The following CDH13 variants were observed in gnomAD, a reference collection of about 807,000 sequenced individuals.
CDH13 encodes the protein cadherin-13.
In CDH13, 24 loss-of-function variants were observed where a neutral mutation model predicts 63.8. That is an observed-to-expected ratio of 0.38 (90% CI 0.27 to 0.53). The LOEUF (loss-of-function observed/expected upper bound fraction) is 0.53, where lower values mean the gene tolerates loss of function less well. CDH13 is among the 20% of genes least tolerant of loss of function. CDH13 has a pLI of 0.85. For missense variants in CDH13, 1,049 were observed against 903.1 expected, an observed-to-expected ratio of 1.16 and a Z score of -2.07; for synonymous variants, 503 against 355.3, an observed-to-expected ratio of 1.42 and a Z score of -4.67.
chr16:83,737,480 A>G (rs1200550567), intron 10 of CDH13, among the ~76,000 whole-genome samples: 1 of 152,192 alleles, frequency 6.6e-6, no homozygotes, highest in Non-Finnish European at 1.5e-5. Flanking sequence ...TATAATTTTA[A>G]GAAAGCTTTA....
chr16:82,710,552 A>AAAAATATATAT (rs60196638), intron 1 of CDH13, among the ~76,000 whole-genome samples: 38 of 63,770 alleles, frequency 6.0e-4, no homozygotes, highest in Admixed American at 1.6e-3. Flanking sequence ...AAAAAAAAAA[A>AAAAATATATAT]ATATATATAT....
chr16:82,995,291 C>G (rs781561409), intron 2 of CDH13, among the ~76,000 whole-genome samples: 1 of 152,188 alleles, frequency 6.6e-6, no homozygotes, highest in African/African-American at 2.4e-5. Context: ...GGTCACTCAG[C>G]TAAAGACTAC....
chr16:83,513,024 GAAGA>G (rs770911178), intron 7 of CDH13, among the ~76,000 whole-genome samples: 2,250 of 59,476 alleles, frequency 0.038, 18 homozygotes, highest in East Asian at 0.13. Flanking sequence ...ATAAATAAAA[GAAGA>G]AAAAAAAAAA....
intron 1 of CDH13, among the ~76,000 whole-genome samples, chr16:82,751,493 A>G (rs938339994): frequency 5.9e-5 from 9 of 151,890 alleles, no homozygotes; most frequent in Admixed American, 3.9e-4. Flanking sequence ...CTACTACAGC[A>G]CCTCATTGCA....
At chr16:82,842,909 T>C (rs892692833) in intron 1 of CDH13, among the ~76,000 whole-genome samples, 1 of 152,198 alleles carries the variant, frequency 6.6e-6, no homozygotes, top group Non-Finnish European at 1.5e-5. Flanking sequence ...AAAGCACCTA[T>C]AAGACTCTAA....
intron 1 of CDH13, among the ~76,000 whole-genome samples, chr16:82,771,609 C>T (rs937534634): frequency 1.2e-4 from 18 of 152,308 alleles, no homozygotes; most frequent in African/African-American, 4.3e-4. Context: ...CCCAGTCCAC[C>T]AGCTTGTATC....
At chr16:83,546,845 G>A (rs1443130243) in intron 7 of CDH13, among the ~76,000 whole-genome samples, 1 of 152,186 alleles carries the variant, frequency 6.6e-6, no homozygotes, top group Non-Finnish European at 1.5e-5. Context: ...GGCCATGTCT[G>A]TCTTTCTGAA....
At chr16:82,959,816 A>T (rs1906696369) in intron 2 of CDH13, among the ~76,000 whole-genome samples, 1 of 152,200 alleles carries the variant, frequency 6.6e-6, no homozygotes, top group Non-Finnish European at 1.5e-5. Flanking sequence ...CTGCTGAAAG[A>T]CATCTGGTTT....
chr16:83,762,239 C>T (rs1327422580), intron 11 of CDH13, among the ~76,000 whole-genome samples: 1 of 152,088 alleles, frequency 6.6e-6, no homozygotes, highest in Admixed American at 6.5e-5. Flanking sequence ...TTAATGCTGG[C>T]ATTTTATCTT....
intron 12 of CDH13, among the ~76,000 whole-genome samples, chr16:83,782,051 T>C (rs1006312500): frequency 2.8e-4 from 43 of 152,212 alleles, no homozygotes; most frequent in Non-Finnish European, 3.8e-4. Context: ...GCTGCTCCTG[T>C]CACCTTCTGG....
chr16:82,929,681 A>C (rs1406863902), intron 2 of CDH13, among the ~76,000 whole-genome samples: 2 of 140,164 alleles, frequency 1.4e-5, no homozygotes, highest in African/African-American at 2.6e-5. Context: ...AAAAAAAAAA[A>C]AAGAAGACAG....
At chr16:83,689,194 A>G (rs1290845262) in intron 10 of CDH13, among the ~76,000 whole-genome samples, 2 of 152,224 alleles carry the variant, frequency 1.3e-5, no homozygotes, top group Non-Finnish European at 2.9e-5. Flanking sequence ...TGTCAGCCTT[A>G]GAAATTAATC....
chr16:83,674,266 C>T (rs1452092392), intron 9 of CDH13, among the ~76,000 whole-genome samples: 2 of 152,154 alleles, frequency 1.3e-5, no homozygotes, highest in South Asian at 2.1e-4. Flanking sequence ...GGCAGAGAGC[C>T]AGCAGTGGGG....
chr16:83,300,583 T>G (rs2151875245), intron 5 of CDH13, among the ~76,000 whole-genome samples: 1 of 152,368 alleles, frequency 6.6e-6, no homozygotes. Context: ...CTTGGCACCA[T>G]GCCAGGCAGG....
At chr16:82,706,548 C>T (rs1272854485) in intron 1 of CDH13, among the ~76,000 whole-genome samples, 2 of 151,636 alleles carry the variant, frequency 1.3e-5, no homozygotes, top group Non-Finnish European at 2.9e-5. Context: ...TTCAGAAATG[C>T]AGAGGTCAGC....
At chr16:83,352,589 C>T (rs1597812198) in intron 6 of CDH13, among the ~76,000 whole-genome samples, 1 of 152,170 alleles carries the variant, frequency 6.6e-6, no homozygotes, top group Non-Finnish European at 1.5e-5. Context: ...TACTATTCAG[C>T]CATATAAAAG....
At chr16:83,345,705 C>G (rs1368344201) in intron 6 of CDH13, among the ~76,000 whole-genome samples, 1 of 152,108 alleles carries the variant, frequency 6.6e-6, no homozygotes, top group African/African-American at 2.4e-5. Context: ...GAAGTCACTC[C>G]TAAGTATAAT....
At chr16:82,642,190 C>T (rs1268051312) in intron 1 of CDH13, among the ~76,000 whole-genome samples, 2 of 150,542 alleles carry the variant, frequency 1.3e-5, no homozygotes, top group African/African-American at 4.9e-5. Context: ...TGCTTGTTGG[C>T]TGATTTAATT....
At chr16:82,912,569 A>G (rs1428948960) in intron 2 of CDH13, among the ~76,000 whole-genome samples, 1 of 152,192 alleles carries the variant, frequency 6.6e-6, no homozygotes, top group Admixed American at 6.5e-5. Flanking sequence ...ATGTGATTGA[A>G]ATACTCTTAG....
Sources: gnomAD v4.1 joint callset for allele counts (sites outside exome capture counted in the v4.1 genomes callset) on GRCh38, gnomAD v4.1.1 for gene constraint, MANE v1.5 for transcripts, NCBI Gene and HGNC (gene_info 2026-07-23, HGNC 2026-07-21) for gene names.